TOX: variants seen among roughly 807,000 people sequenced by gnomAD.
The protein encoded by TOX is thymocyte selection-associated high mobility group box protein TOX.
Under a neutral mutation model 53.7 loss-of-function variants are expected in TOX, and 11 were observed. The observed-to-expected ratio is 0.20, with a 90% CI of 0.13 to 0.34. The LOEUF (loss-of-function observed/expected upper bound fraction) is 0.34. TOX is among the 10% of genes least tolerant of loss of function. The probability of loss-of-function intolerance (pLI) is 1.00; values close to 1 mark genes in which losing one functional copy is unlikely to be tolerated. For synonymous variants in TOX, 225 were observed against 245.3 expected, an observed-to-expected ratio of 0.92 and a Z score of 0.77; for missense variants, 570 against 664.6, an observed-to-expected ratio of 0.86 and a Z score of 1.56.
chr8:59,038,603 T>C (rs1803513775), intron 1 of TOX, among the ~76,000 whole-genome samples: 2 of 152,190 alleles, frequency 1.3e-5, no homozygotes, highest in African/African-American at 2.4e-5. Flanking sequence ...AAGTTCAGGT[T>C]CTCCTTGGCA....
intron 1 of TOX, among the ~76,000 whole-genome samples, chr8:59,035,546 A>G (rs575676502): frequency 8.5e-5 from 13 of 152,314 alleles, no homozygotes; most frequent in African/African-American, 3.1e-4. Context: ...CCAATTTTTA[A>G]TATTTGCTTA....
intron 1 of TOX, among the ~76,000 whole-genome samples, chr8:58,995,427 A>G (rs542819067): frequency 2.0e-4 from 30 of 152,352 alleles, no homozygotes; most frequent in African/African-American, 5.8e-4. Context: ...CACTCAATGA[A>G]CTACAATGCC....
intron 4 of TOX, among the ~76,000 whole-genome samples, chr8:58,839,865 G>T (rs1395744076): frequency 6.6e-6 from 1 of 152,196 alleles, no homozygotes. Context: ...CTGTGGATAT[G>T]ATTTCAGAGG....
At chr8:58,905,177 C>T (rs1363529542) in intron 3 of TOX, among the ~76,000 whole-genome samples, 2 of 152,210 alleles carry the variant, frequency 1.3e-5, no homozygotes, top group African/African-American at 2.4e-5. Flanking sequence ...ATGATCTACC[C>T]GCTTTGGCCT....
At chr8:59,044,879 T>C (rs184721526) in intron 1 of TOX, among the ~76,000 whole-genome samples, 69 of 152,306 alleles carry the variant, frequency 4.5e-4, no homozygotes, top group African/African-American at 1.5e-3. Flanking sequence ...ACCAACAGAT[T>C]AATCATATGA....
At chr8:58,857,105 A>C (rs1283648270) in intron 3 of TOX, among the ~76,000 whole-genome samples, 3 of 152,180 alleles carry the variant, frequency 2.0e-5, no homozygotes, top group Non-Finnish European at 4.4e-5. Flanking sequence ...GTAGGAACTC[A>C]ATACATATTT....
chr8:58,964,466 G>A lies in TOX; in HGVS notation c.103-4458C>T, dbSNP rs1272291872. 2.6e-5 allele frequency among the ~76,000 whole-genome samples: 4 copies of A among 151,970 alleles called. No homozygotes were observed. In the East Asian group the frequency reaches 5.8e-4, roughly 22 times the overall value. Reference sequence around the variant, plus strand: ...ATTATCACTGCACTGTCACAGCTCCGTCCAACCACACCCTGACCAGGAGCT... The same window carrying A: ...ATTATCACTGCACTGTCACAGCTCCATCCAACCACACCCTGACCAGGAGCT... On this transcript the variant is annotated intron_variant, in intron 1 of 8. Transcript: ENST00000361421.
chr8:59,052,541 T>G (rs1289209943), intron 1 of TOX, among the ~76,000 whole-genome samples: 1 of 152,210 alleles, frequency 6.6e-6, no homozygotes, highest in Non-Finnish European at 1.5e-5. Context: ...AAAACAAAAA[T>G]CTCAATTTCT....
intron 3 of TOX, among the ~76,000 whole-genome samples, chr8:58,856,908 G>A (rs1210048100): frequency 6.6e-6 from 1 of 152,152 alleles, no homozygotes; most frequent in African/African-American, 2.4e-5. Flanking sequence ...CCTACTTACA[G>A]TGGGAGTGAA....
At chr8:59,066,669 A>C (rs528297627) in intron 1 of TOX, among the ~76,000 whole-genome samples, 1 of 152,298 alleles carries the variant, frequency 6.6e-6, no homozygotes, top group South Asian at 2.1e-4. Context: ...GTTACAATCT[A>C]TGACTTTGTC....
chr8:59,083,402 T>C (rs374548459), intron 1 of TOX, among the ~76,000 whole-genome samples: 199 of 152,208 alleles, frequency 1.3e-3, no homozygotes, highest in African/African-American at 4.3e-3. Context: ...CAAATAATAT[T>C]TTAAGAGTTA....
At chr8:58,839,247 A>ATTTGGT (rs1290321971) in intron 4 of TOX, among the ~76,000 whole-genome samples, 1 of 152,228 alleles carries the variant, frequency 6.6e-6, no homozygotes, top group Admixed American at 6.5e-5. Context: ...ATATAAAGCT[A>ATTTGGT]GTGAGCATTT....
chr8:58,918,627 C>T (rs1201058211), intron 3 of TOX, among the ~76,000 whole-genome samples: 1 of 37,904 alleles, frequency 2.6e-5, no homozygotes, highest in African/African-American at 1.1e-4. Context: ...TGGAAGCATT[C>T]CCTTTGAAAA....
intron 5 of TOX, among the ~76,000 whole-genome samples, chr8:58,831,417 G>C (rs995533060): frequency 1.3e-5 from 2 of 152,164 alleles, no homozygotes; most frequent in African/African-American, 4.8e-5. Context: ...GCATTTTGCG[G>C]ATCATGCACT....
chr8:59,118,155 C>A lies in TOX; in HGVS notation c.102+731G>T, dbSNP rs28409205. On this transcript the variant is annotated intron_variant, in intron 1 of 8. Coordinates refer to ENST00000361421, the MANE Select transcript of TOX (RefSeq NM_014729.3). The surrounding 1 kb of genome is among the most constrained non-coding windows in gnomAD (Gnocchi z 4.1). ...CCGTGGGTACAGCTCAGCCGCGGAC[C>A]CTGCTCCGCGAGTGCGGGAGCTTTG... is the stretch of plus-strand genomic sequence containing the variant. Among the ~76,000 whole-genome samples the A allele has an allele frequency of 6.6e-4, 100 of 152,308 alleles. No homozygotes were observed. Among genetic ancestry groups the A allele is most frequent in the African/African-American group, 2.0e-3 (83 of 41,578 alleles).
Position 58,838,067 on chromosome 8 carries a change from T to C in TOX, c.924+14A>G, listed in dbSNP as rs114941039. The C allele has an allele frequency of 6.2e-7, 1 of 1,611,386 alleles. No homozygotes were observed. The highest frequency in any genetic ancestry group is 1.3e-5 in the African/African-American group (1 of 74,920). ...CAGCTTATGTAGATTCCCATTCCACTGGGAATCCCTTACCTGTTTTTGCTC... is the reference window on the plus strand; with the variant it reads ...CAGCTTATGTAGATTCCCATTCCACCGGGAATCCCTTACCTGTTTTTGCTC... On this transcript the variant is annotated intron_variant, in intron 5 of 8. Transcript: ENST00000361421.
At chr8:58,878,374 C>G (rs1196747576) in intron 3 of TOX, among the ~76,000 whole-genome samples, 1 of 152,092 alleles carries the variant, frequency 6.6e-6, no homozygotes, top group African/African-American at 2.4e-5. Flanking sequence ...TTTTTGCAGG[C>G]CAAAGAAACT....
intron 3 of TOX, among the ~76,000 whole-genome samples, chr8:58,876,117 C>T (rs2594955): frequency 0.22 from 33,932 of 151,670 alleles, 5,198 homozygotes; most frequent in African/African-American, 0.42. Flanking sequence ...ATTTCAGAAA[C>T]ATAAGCATTG....
chr8:58,888,522 T>C (rs1284080233), intron 3 of TOX, among the ~76,000 whole-genome samples: 1 of 152,062 alleles, frequency 6.6e-6, no homozygotes, highest in African/African-American at 2.4e-5. Flanking sequence ...TATAGAATAC[T>C]ACCAGGATAT....
Sources: allele counts gnomAD v4.1 joint callset (sites outside exome capture counted in the v4.1 genomes callset), GRCh38; gene constraint gnomAD v4.1.1; non-coding constraint Gnocchi (gnomAD v3.1); transcripts MANE v1.5; gene names NCBI Gene and HGNC (gene_info 2026-07-23, HGNC 2026-07-21).